The following MACROD2 variants were observed in gnomAD, a reference collection of about 807,000 sequenced individuals.
MACROD2 encodes ADP-ribose glycohydrolase MACROD2.
A neutral mutation model predicts 70.4 loss-of-function variants in MACROD2; 36 were observed. The observed-to-expected ratio is 0.51, with a 90% CI of 0.39 to 0.68. The LOEUF is 0.68. Among genes scored for constraint, MACROD2 ranks in the 30% least tolerant of loss-of-function variants. The pLI is 0.00. For synonymous variants in MACROD2, 172 were observed against 178.8 expected, an observed-to-expected ratio of 0.96 and a Z score of 0.30; for missense variants, 496 against 538.4, an observed-to-expected ratio of 0.92 and a Z score of 0.78.
chr20:15,883,244 C>G (rs964883661), intron 9 of MACROD2, among the ~76,000 whole-genome samples: 1 of 151,932 alleles, frequency 6.6e-6, no homozygotes, highest in Admixed American at 6.6e-5. Context: ...TTTTATCTCT[C>G]TCTCTGAGAT....
At chr20:15,635,479 G>C (rs1465138054) in intron 8 of MACROD2, among the ~76,000 whole-genome samples, 1 of 152,118 alleles carries the variant, frequency 6.6e-6, no homozygotes, top group Non-Finnish European at 1.5e-5. Flanking sequence ...AGGCAAATTA[G>C]AACAGGAATA....
intron 6 of MACROD2, among the ~76,000 whole-genome samples, chr20:15,275,060 G>A (rs955909596): frequency 4.6e-5 from 7 of 152,112 alleles, no homozygotes; most frequent in African/African-American, 1.7e-4. Context: ...TGGGGGTGGG[G>A]GAGGTGCTAA....
At chr20:15,940,125 C>T (rs1196483751) in intron 12 of MACROD2, among the ~76,000 whole-genome samples, 1 of 152,100 alleles carries the variant, frequency 6.6e-6, no homozygotes, top group Non-Finnish European at 1.5e-5. Flanking sequence ...TGGAGTTTCA[C>T]TCTTGTTGCC....
chr20:14,334,350 G>A (rs2122630323), intron 3 of MACROD2, among the ~76,000 whole-genome samples: 1 of 152,308 alleles, frequency 6.6e-6, no homozygotes, highest in South Asian at 2.1e-4. Flanking sequence ...TGCTGTTTCA[G>A]AAGACCAACT....
At chr20:14,186,840 CAGAAAT>C (rs1250493169) in intron 3 of MACROD2, among the ~76,000 whole-genome samples, 2 of 152,112 alleles carry the variant, frequency 1.3e-5, no homozygotes, top group African/African-American at 4.8e-5. Context: ...TGAACTAACA[CAGAAAT>C]AGAAAACAAA....
chr20:14,185,415 A>G (rs1569196600), intron 3 of MACROD2, among the ~76,000 whole-genome samples: 1 of 152,134 alleles, frequency 6.6e-6, no homozygotes, highest in Non-Finnish European at 1.5e-5. Context: ...GGCAAACTTA[A>G]TCCCAAATGT....
At chr20:15,919,861 C>T (rs2065376311) in intron 10 of MACROD2, among the ~76,000 whole-genome samples, 1 of 151,974 alleles carries the variant, frequency 6.6e-6, no homozygotes. Context: ...AAAAAAAAAT[C>T]ACACAGTATT....
intron 6 of MACROD2, among the ~76,000 whole-genome samples, chr20:15,428,573 A>C (rs575763080): frequency 4.8e-4 from 73 of 152,292 alleles, no homozygotes; most frequent in African/African-American, 1.7e-3. Context: ...ACACCTTGTT[A>C]AACTAACTCT....
intron 4 of MACROD2, among the ~76,000 whole-genome samples, chr20:14,498,745 T>C (rs980014166): frequency 6.6e-6 from 1 of 152,224 alleles, no homozygotes; most frequent in Non-Finnish European, 1.5e-5. Flanking sequence ...TAAAGGGCTT[T>C]TTGAGTGTGT....
chr20:14,286,285 C>T (rs1334486566), intron 3 of MACROD2, among the ~76,000 whole-genome samples: 1 of 152,042 alleles, frequency 6.6e-6, no homozygotes, highest in Non-Finnish European at 1.5e-5. Flanking sequence ...CTGTTTTTAG[C>T]ATTTCTGTGC....
chr20:14,092,130 G>C (rs968325150), intron 3 of MACROD2, among the ~76,000 whole-genome samples: 1 of 152,020 alleles, frequency 6.6e-6, no homozygotes, highest in Non-Finnish European at 1.5e-5. Flanking sequence ...ATTTATTTTA[G>C]CTGTTGTAAT....
intron 3 of MACROD2, among the ~76,000 whole-genome samples, chr20:14,205,561 T>C (rs2081516421): frequency 3.9e-5 from 6 of 152,176 alleles, no homozygotes. Flanking sequence ...CTGACCCACT[T>C]CACATTGATT....
At chr20:15,551,324 C>A (rs1355852535) in intron 8 of MACROD2, among the ~76,000 whole-genome samples, 1 of 143,630 alleles carries the variant, frequency 7.0e-6, no homozygotes, top group African/African-American at 2.8e-5. Context: ...TCTGTTATCT[C>A]TCATTTAATA....
At chr20:14,366,642 G>A (rs1197029376) in intron 3 of MACROD2, among the ~76,000 whole-genome samples, 1 of 152,036 alleles carries the variant, frequency 6.6e-6, no homozygotes, top group Non-Finnish European at 1.5e-5. Context: ...TGGGATTACA[G>A]GCATGAGCCA....
chr20:15,254,839 T>C (rs1251177935), intron 6 of MACROD2, among the ~76,000 whole-genome samples: 1 of 151,886 alleles, frequency 6.6e-6, no homozygotes, highest in East Asian at 1.9e-4. Context: ...TTCAGATCTA[T>C]CTGACTACAA....
chr20:14,150,399 T>C (rs2055002107), intron 3 of MACROD2, among the ~76,000 whole-genome samples: 2 of 152,192 alleles, frequency 1.3e-5, no homozygotes, highest in African/African-American at 4.8e-5. Context: ...AAAAATCTTA[T>C]CCCGTAATCA....
chr20:14,162,799 T>G (rs893033024), intron 3 of MACROD2, among the ~76,000 whole-genome samples: 45 of 152,116 alleles, frequency 3.0e-4, no homozygotes, highest in African/African-American at 1.0e-3. Context: ...GGTCATGTTT[T>G]ATTTATTTAT....
intron 5 of MACROD2, among the ~76,000 whole-genome samples, chr20:14,704,769 T>C (rs994741545): frequency 6.6e-6 from 1 of 152,172 alleles, no homozygotes; most frequent in Non-Finnish European, 1.5e-5. Context: ...ACATTTGTCA[T>C]TGGAACCAAG....
At chr20:15,347,054 T>A (rs2078174432) in intron 6 of MACROD2, among the ~76,000 whole-genome samples, 1 of 152,188 alleles carries the variant, frequency 6.6e-6, no homozygotes, top group Admixed American at 6.6e-5. Flanking sequence ...TCACAACTTT[T>A]TATTGGACCA....
Sources: allele counts gnomAD v4.1 joint callset (sites outside exome capture counted in the v4.1 genomes callset), GRCh38; gene constraint gnomAD v4.1.1; transcripts MANE v1.5; gene names NCBI Gene and HGNC (gene_info 2026-07-23, HGNC 2026-07-21).